The following CACNA1G variants were observed in gnomAD, a reference collection of about 807,000 sequenced individuals.
CACNA1G encodes voltage-dependent T-type calcium channel subunit alpha-1G.
Under a neutral mutation model 219.4 loss-of-function variants are expected in CACNA1G, and 67 were observed. The observed-to-expected ratio is 0.31, with a 90% CI of 0.25 to 0.37. CACNA1G has a LOEUF of 0.37. Among genes scored for constraint, CACNA1G ranks in the 10% least tolerant of loss-of-function variants. The pLI is 1.00. For missense variants in CACNA1G, 2,380 were observed against 3,231.4 expected, an observed-to-expected ratio of 0.74 and a Z score of 6.39; for synonymous variants, 1,296 against 1,345.3, an observed-to-expected ratio of 0.96 and a Z score of 0.80.
intron 5 of CACNA1G, 84 bp downstream of exon 5, chr17:50,572,121 A>G: frequency 7.0e-7 from 1 of 1,421,070 alleles, no homozygotes; most frequent in Non-Finnish European, 9.6e-7. Flanking sequence ...TCCGGTTGCT[A>G]CTGACATATC....
At chr17:50,616,093 A>G (rs2050521264) in intron 27 of CACNA1G, among the ~76,000 whole-genome samples, 182 bp from the exon 28 acceptor site, 1 of 152,234 alleles carries the variant, frequency 6.6e-6, no homozygotes, top group Non-Finnish European at 1.5e-5. Context: ...CATGTGAATA[A>G]GTGCCCTACT....
intron 35 of CACNA1G, among the ~76,000 whole-genome samples, chr17:50,622,538 G>A (rs555774929): frequency 6.6e-6 from 1 of 152,194 alleles, no homozygotes; most frequent in African/African-American, 2.4e-5. Context: ...GTGGAGCCTG[G>A]GGCTGAGAGG....
intron 9 of CACNA1G, among the ~76,000 whole-genome samples, chr17:50,589,085 C>T (rs1368389593): frequency 1.8e-4 from 28 of 152,234 alleles, no homozygotes. Context: ...GACTTGGCCT[C>T]TGCCCTCCAG....
chr17:50,610,464 C>T (rs1460743322), intron 26 of CACNA1G, among the ~76,000 whole-genome samples: 4 of 152,158 alleles, frequency 2.6e-5, no homozygotes, highest in Admixed American at 1.3e-4. Flanking sequence ...GAGTTGGCCA[C>T]GAGCTTCTTC....
chr17:50,624,079 C>T lies in CACNA1G; in HGVS notation c.6229+4C>T. The T allele has an allele frequency of 1.2e-6, 2 of 1,611,268 alleles. No homozygotes were observed. The highest frequency in any genetic ancestry group is 1.7e-6 in the Non-Finnish European group (2 of 1,178,650). On this transcript the variant is annotated splice_donor_region_variant and intron_variant, in intron 36 of 37. Coordinates refer to ENST00000359106, the MANE Select transcript of CACNA1G (RefSeq NM_018896.5). Reference sequence around the variant, plus strand: ...GGGCTCCCCAAAGCTCAGTCAGGTACCAGGGCTAGAGCAGGCCAATTTGGC... The same window carrying T: ...GGGCTCCCCAAAGCTCAGTCAGGTATCAGGGCTAGAGCAGGCCAATTTGGC...
At position 50,575,906 on chromosome 17, in the gene CACNA1G, C is replaced by T. The variant is rs978589480; in HGVS notation, c.1504C>T (p.His502Tyr). Residue 502 changes from histidine to tyrosine, a missense_variant, in exon 8 of 38, where the codon CAC (histidine) becomes TAC (tyrosine). Physicochemically the swap from His to Tyr is moderately conservative, Grantham distance 83. Around this residue, in one of 17 missense-constraint regions of CACNA1G, gnomAD observed 434 missense variants for 417.3 expected, o/e 1.04. Transcript: ENST00000359106. The part of the protein sequence containing the change: ...HHLVHHHHHH[H>Y]HHYHLGNGTL... ...CCTGGTGCACCACCACCACCACCAT[C>T]ACCACCACTACCACCTGGGCAATGG... The T allele has an allele frequency of 2.6e-6, 4 of 1,558,132 alleles. No individual in the cohort carries two copies. The African/African-American group carries it at 4.1e-5, about 16-fold the overall frequency.
In CACNA1G at chr17:50,575,938, C is replaced by T; in HGVS notation, c.1536C>T (p.Leu512=). ...ACTACCACCTGGGCAATGGGACGCT[C>T]AGGGCCCCCCGGGCCAGCCCGGAGA... The part of the protein sequence containing the change: ...HHHYHLGNGT[L]RAPRASPEIQ... Residue 512 remains leucine (L), a synonymous_variant, in exon 8 of 38, where the codon CTC becomes CTT. Transcript: ENST00000359106. 6.4e-7 allele frequency: 1 copy of T among 1,554,156 alleles called. No individual in the cohort carries two copies. The highest frequency in any genetic ancestry group is 1.4e-5 in the African/African-American group (1 of 73,378).
Position 50,561,356 on chromosome 17 carries a change from C to G in CACNA1G, c.-104C>G. 6.9e-7 allele frequency: 1 copy of G among 1,452,374 alleles called. No homozygotes were observed. Among genetic ancestry groups the G allele is most frequent in the South Asian group, 1.2e-5 (1 of 81,226 alleles). 90.0% of individuals were successfully genotyped at this position (1,452,374 alleles called of 1,614,324 possible). A position where few individuals can be genotyped will look rare whatever the true frequency, so the allele number is the denominator to read the frequency against. On this transcript the variant is annotated 5_prime_UTR_variant, in exon 1 of 38. Transcript: ENST00000359106. ...GGCTCAGCTTGCGCCCTAGAGCCCA[C>G]CAGATGTGCCCCCGCCGGGGCCCCC...
intron 27 of CACNA1G, among the ~76,000 whole-genome samples, 170 bp from the exon 28 acceptor site, chr17:50,616,105 C>G (rs1339221594): frequency 6.6e-6 from 1 of 152,220 alleles, no homozygotes; most frequent in Non-Finnish European, 1.5e-5. Flanking sequence ...TGCCCTACTC[C>G]CTTCTGGGGT....
rs1264149467 is a variant in CACNA1G at position 50,626,192 on chromosome 17, C to A, written c.6575C>A (p.Thr2192Asn). ...CACAGCAAGATCTCCAAGCACATGA[C>A]CCCGCCAGCCCCTTGCCCAGGCCCA... The part of the protein sequence containing the change: ...RSHSKISKHM[T>N]PPAPCPGPEP... Residue 2192 changes from threonine to asparagine, a missense_variant, in exon 38 of 38, where the codon ACC becomes AAC. Thr to Asn is a moderately conservative substitution (Grantham distance 65). This residue lies in a region of CACNA1G where 672 missense variants were observed against 670.5 expected (regional missense o/e 1.00). Coordinates refer to ENST00000359106, the MANE Select transcript of CACNA1G (RefSeq NM_018896.5). This position sits in a 1 kb window ranked among gnomAD's most constrained non-coding sequence, Gnocchi z 4.3. 2 of 1,613,910 alleles carry A rather than the reference C, an allele frequency of 1.2e-6. No homozygotes were observed. The highest frequency in any genetic ancestry group is 1.1e-5 in the South Asian group (1 of 91,082).
At chr17:50,568,209 G>A (rs1308833347) in intron 1 of CACNA1G, among the ~76,000 whole-genome samples, 1 of 152,094 alleles carries the variant, frequency 6.6e-6, no homozygotes, top group Non-Finnish European at 1.5e-5. Context: ...AGGCAGTTCT[G>A]CCTGCCTGAG....
In CACNA1G at chr17:50,615,477, G is replaced by C. The variant is rs774805285; in HGVS notation, c.4876G>C (p.Val1626Leu). 6.2e-7 allele frequency: 1 copy of C among 1,613,724 alleles called. No individual in the cohort carries two copies. Among genetic ancestry groups the C allele is most frequent in the Non-Finnish European group, 8.5e-7 (1 of 1,179,692 alleles). ...CACAGGTGTCATCGGGCTGAACGTG[G>C]TCACCATGGCCATGGAGCACTACCA... Reference protein sequence around the residue: ...FITGVIGLNVVTMAMEHYQQP... With the variant: ...FITGVIGLNVLTMAMEHYQQP... Residue 1626 changes from valine (V) to leucine (L), a missense_variant, in exon 27 of 38, where the codon GTC becomes CTC. Val to Leu is a conservative substitution (Grantham distance 32). Coordinates refer to ENST00000359106, the MANE Select transcript of CACNA1G (RefSeq NM_018896.5).
In CACNA1G at chr17:50,596,874, G is replaced by T; in HGVS notation, c.3209G>T (p.Ser1070Ile). 3 of 1,590,788 alleles carry T rather than the reference G, an allele frequency of 1.9e-6. No individual in the cohort carries two copies. Among genetic ancestry groups the T allele is most frequent in the Non-Finnish European group, 2.6e-6 (3 of 1,168,728 alleles). The change falls in exon 16 of 38, where the codon AGC (serine) becomes ATC (isoleucine). Residue 1070 changes from serine (S) to isoleucine (I), a missense_variant. Physicochemically the swap from Ser to Ile is moderately radical, Grantham distance 142. Around this residue, in one of 17 missense-constraint regions of CACNA1G, gnomAD observed 418 missense variants for 434.3 expected, o/e 0.96. Transcript: ENST00000359106. This position sits in a 1 kb window ranked among gnomAD's most constrained non-coding sequence, Gnocchi z 4.8. ...EALGPASRRT[S>I]SSGSAEPGAA... ...CTGGGCCCTGCGTCGCGCCGCACCA[G>T]CAGCAGCGGGTCGGCAGAGCCTGGG... is the stretch of plus-strand genomic sequence containing the variant.
chr17:50,561,502 C>T lies in CACNA1G; in HGVS notation c.43C>T (p.Gln15Ter). Residue 15 changes from glutamine (Q) to a stop codon, truncating the protein, a stop_gained, in exon 1 of 38, where the codon CAG (glutamine) becomes TAG (stop). Coordinates refer to ENST00000359106, the MANE Select transcript of CACNA1G (RefSeq NM_018896.5). LOFTEE classifies it high-confidence loss of function. ...EDGAGAEESG[Q>*]PRSFMRLNDL... ...TGGAGCGGGCGCCGAGGAGTCGGGA[C>T]AGCCCCGGAGCTTCATGCGGCTCAA... 1 of 1,535,992 alleles carries T rather than the reference C, an allele frequency of 6.5e-7. No homozygotes were observed.
At chr17:50,589,894 T>TCTCTCTCTC (rs1555655436) in intron 9 of CACNA1G, among the ~76,000 whole-genome samples, 5,341 of 138,154 alleles carry the variant, frequency 0.039, 508 homozygotes, top group African/African-American at 0.14. Flanking sequence ...GCGTGCATTT[T>TCTCTCTCTC]TCTCTCTCTC....
chr17:50,624,341 C>CCCGG lies in CACNA1G; in HGVS notation c.6230-19_6230-18insCCGG. The CCCGG allele has an allele frequency of 1.1e-5, 16 of 1,471,132 alleles. No individual in the cohort carries two copies. The highest frequency in any genetic ancestry group is 2.5e-5 in the East Asian group (1 of 40,556). The allele number at this position is 1,471,132 out of a possible 1,614,324, so 91.1% of individuals were successfully genotyped here. On this transcript the variant is annotated intron_variant, in intron 36 of 37. Transcript: ENST00000359106. ...CCATTCTCTCCCCCCACCCCTCCCC[C>CCCGG]GCTTCCCTCCCTCCACAGGCTCCGT...
At position 50,618,183 on chromosome 17, in the gene CACNA1G, G is replaced by T; in HGVS notation, c.5306-39G>T. 1 of 1,612,930 alleles carries T rather than the reference G, an allele frequency of 6.2e-7. No homozygotes were observed. Reference sequence around the variant, plus strand: ...AGGGCTGGAGACCAGGGGGCTCCTGGACTAACATGGGCCTCTCCCCCTTTC... The same window carrying T: ...AGGGCTGGAGACCAGGGGGCTCCTGTACTAACATGGGCCTCTCCCCCTTTC... On this transcript the variant is annotated intron_variant, in intron 31 of 37. Coordinates refer to ENST00000359106, the MANE Select transcript of CACNA1G (RefSeq NM_018896.5). The surrounding 1 kb of genome is among the most constrained non-coding windows in gnomAD (Gnocchi z 5.3).
At position 50,596,882 on chromosome 17, in the gene CACNA1G, G is replaced by A. The variant is rs1228444217; in HGVS notation, c.3217G>A (p.Gly1073Arg). ...GPASRRTSSS[G>R]SAEPGAAHEM... ...TGCGTCGCGCCGCACCAGCAGCAGCGGGTCGGCAGAGCCTGGGGCGGCCCA... is the reference window on the plus strand; with the variant it reads ...TGCGTCGCGCCGCACCAGCAGCAGCAGGTCGGCAGAGCCTGGGGCGGCCCA... The change falls in exon 16 of 38, where the codon GGG (glycine) becomes AGG (arginine). Residue 1073 changes from glycine (G) to arginine (R), a missense_variant. By Grantham distance (125) the Gly-to-Arg change is moderately radical. Around this residue, in one of 17 missense-constraint regions of CACNA1G, gnomAD observed 418 missense variants for 434.3 expected, o/e 0.96. Transcript: ENST00000359106. The surrounding 1 kb of genome is among the most constrained non-coding windows in gnomAD (Gnocchi z 4.8). 3 of 1,587,100 alleles carry A rather than the reference G, an allele frequency of 1.9e-6. No individual in the cohort carries two copies. Among genetic ancestry groups the A allele is most frequent in the African/African-American group, 1.3e-5 (1 of 74,250 alleles).
Position 50,609,870 on chromosome 17 carries a change from T to A in CACNA1G, c.4706-12T>A, listed in dbSNP as rs746431266. ...TCCGGCCAGTGACCAATGTCGTGTT[T>A]CGTTCTTTTAGATCTAATGCTGGAC... On this transcript the variant is annotated splice_polypyrimidine_tract_variant and intron_variant, in intron 25 of 37. Coordinates refer to ENST00000359106, the MANE Select transcript of CACNA1G (RefSeq NM_018896.5). 6.2e-7 allele frequency: 1 copy of A among 1,610,786 alleles called. No individual in the cohort carries two copies. The highest frequency in any genetic ancestry group is 8.5e-7 in the Non-Finnish European group (1 of 1,179,650).
Sources: gnomAD v4.1 joint callset for allele counts (sites outside exome capture counted in the v4.1 genomes callset) on GRCh38, gnomAD v4.1.1 for gene constraint, gnomAD v4.1.1 regional missense constraint, Gnocchi (gnomAD v3.1) non-coding constraint, MANE v1.5 for transcripts, NCBI Gene and HGNC (gene_info 2026-07-23, HGNC 2026-07-21) for gene names.